The following CTNNA2 variants were observed in gnomAD, a reference collection of about 807,000 sequenced individuals.
The protein encoded by CTNNA2 is catenin alpha 2.
Under a neutral mutation model 101.0 loss-of-function variants are expected in CTNNA2, and 42 were observed. The ratio of observed to expected loss-of-function variants is 0.42; its 90% CI spans 0.32 to 0.54. CTNNA2 has a LOEUF of 0.54. CTNNA2 is among the 20% of genes least tolerant of loss of function. CTNNA2 has a pLI of 0.14. For missense variants in CTNNA2, 871 were observed against 1,223.1 expected, an observed-to-expected ratio of 0.71 and a Z score of 4.29; for synonymous variants, 450 against 456.4, an observed-to-expected ratio of 0.99 and a Z score of 0.18.
At chr2:80,232,368 T>TGTTAACACTAG (rs1709297496) in intron 7 of CTNNA2, among the ~76,000 whole-genome samples, 1 of 59,846 alleles carries the variant, frequency 1.7e-5, no homozygotes, top group African/African-American at 3.7e-5. Flanking sequence ...TTTTTTTTTT[T>TGTTAACACTAG]TTTTTTTTTT....
chr2:79,644,991 T>G (rs941928686), intron 1 of CTNNA2, among the ~76,000 whole-genome samples: 9 of 148,106 alleles, frequency 6.1e-5, no homozygotes, highest in Admixed American at 2.0e-4. Flanking sequence ...TTGTTTTTTG[T>G]TTTTTTTTTG....
intron 4 of CTNNA2, among the ~76,000 whole-genome samples, chr2:79,481,934 C>T (rs1346002150): frequency 6.6e-6 from 1 of 151,974 alleles, no homozygotes; most frequent in Non-Finnish European, 1.5e-5. Context: ...TGGAAGAGGC[C>T]ACATACATGT....
At chr2:79,932,411 C>A (rs770291814) in intron 7 of CTNNA2, among the ~76,000 whole-genome samples, 3 of 151,800 alleles carry the variant, frequency 2.0e-5, no homozygotes, top group African/African-American at 7.3e-5. Context: ...TAGTTTAAAA[C>A]CTTTAAGGTT....
At chr2:79,746,089 T>C (rs1441562217) in intron 3 of CTNNA2, among the ~76,000 whole-genome samples, 1 of 152,220 alleles carries the variant, frequency 6.6e-6, no homozygotes, top group Non-Finnish European at 1.5e-5. Flanking sequence ...TTTTGTGAAT[T>C]GTATCATCAT....
chr2:80,420,154 G>A (rs1333843438), intron 9 of CTNNA2, among the ~76,000 whole-genome samples: 1 of 150,498 alleles, frequency 6.6e-6, no homozygotes, highest in Admixed American at 6.6e-5. Flanking sequence ...TATTTTATGT[G>A]TTAGAGGAAT....
intron 4 of CTNNA2, among the ~76,000 whole-genome samples, chr2:79,452,725 C>T (rs559480320): frequency 1.3e-5 from 2 of 152,094 alleles, no homozygotes; most frequent in Admixed American, 6.6e-5. Context: ...AGCTTTCAAA[C>T]ATCTGAAGGG....
At chr2:79,200,126 G>A (rs143977958) in intron 2 of CTNNA2, among the ~76,000 whole-genome samples, 119 of 152,260 alleles carry the variant, frequency 7.8e-4, no homozygotes, top group African/African-American at 1.6e-3. Flanking sequence ...TATCCTGCCT[G>A]TAATCCCAGC....
chr2:79,205,637 A>C (rs1470079735), intron 2 of CTNNA2, among the ~76,000 whole-genome samples: 1 of 152,214 alleles, frequency 6.6e-6, no homozygotes, highest in South Asian at 2.1e-4. Flanking sequence ...TGAACTGATG[A>C]TAAAACCCAG....
intron 2 of CTNNA2, among the ~76,000 whole-genome samples, chr2:79,663,509 T>A (rs563872309): frequency 6.6e-6 from 1 of 152,300 alleles, no homozygotes; most frequent in Admixed American, 6.5e-5. Context: ...GGCCTCAGGA[T>A]TTTTGTGCAT....
intron 3 of CTNNA2, among the ~76,000 whole-genome samples, chr2:79,750,964 A>G (rs1671991511): frequency 6.6e-6 from 1 of 152,166 alleles, no homozygotes; most frequent in African/African-American, 2.4e-5. Flanking sequence ...CCTATGCTAA[A>G]TGATGTGTTA....
At chr2:79,837,666 A>G (rs779322082) in intron 3 of CTNNA2, among the ~76,000 whole-genome samples, 1 of 151,846 alleles carries the variant, frequency 6.6e-6, no homozygotes, top group Non-Finnish European at 1.5e-5. Flanking sequence ...CTCTTCTCCT[A>G]TACCAATTGT....
chr2:80,099,376 A>G (rs1410433291), intron 7 of CTNNA2, among the ~76,000 whole-genome samples: 1 of 152,140 alleles, frequency 6.6e-6, no homozygotes, highest in Non-Finnish European at 1.5e-5. Context: ...GTATCTGCTT[A>G]GTTACAACCC....
At chr2:80,511,324 G>C (rs1358817823) in intron 9 of CTNNA2, among the ~76,000 whole-genome samples, 1 of 152,102 alleles carries the variant, frequency 6.6e-6, no homozygotes, top group African/African-American at 2.4e-5. Flanking sequence ...TCAGTGTTAC[G>C]GTTTGAAGCC....
intron 1 of CTNNA2, chr2:79,524,916 T>G (rs1672319904): frequency 6.6e-6 from 1 of 151,858 alleles, no homozygotes; most frequent in Non-Finnish European, 1.5e-5. Flanking sequence ...GGTGCTTTTT[T>G]TTTTTGTATG....
At chr2:79,415,110 G>T (rs1678463503) in intron 4 of CTNNA2, among the ~76,000 whole-genome samples, 1 of 152,106 alleles carries the variant, frequency 6.6e-6, no homozygotes, top group African/African-American at 2.4e-5. Flanking sequence ...GTTGGAAATG[G>T]GGCCTAATGG....
chr2:79,717,108 A>G lies in CTNNA2; in HGVS notation c.103-27279A>G, dbSNP rs567478228. 1.8e-4 allele frequency among the ~76,000 whole-genome samples: 27 copies of G among 152,356 alleles called. No individual in the cohort carries two copies. The South Asian group carries it at 2.7e-3, about 15-fold the overall frequency. ...AAATGAAAGCCATTTCTATTTGTGTATGAGCCCTGGAGAAGGAAAGAGAAT... is the reference window on the plus strand; with the variant it reads ...AAATGAAAGCCATTTCTATTTGTGTGTGAGCCCTGGAGAAGGAAAGAGAAT... On this transcript the variant is annotated intron_variant, in intron 2 of 18. Transcript: ENST00000402739.
intron 2 of CTNNA2, among the ~76,000 whole-genome samples, chr2:79,719,952 C>T (rs1407782488): frequency 1.3e-5 from 2 of 152,080 alleles, no homozygotes; most frequent in Admixed American, 1.3e-4. Context: ...GGGACTTAGC[C>T]AAAAATTCTT....
rs767650988 is a variant in CTNNA2, at chr2:79,716,178, C to T, written c.103-28209C>T. Reference sequence around the variant, plus strand: ...TGGGAGAGGGCAGGATGGGAACACTCAGATGACAGCAAAAGGAAGACTTTT... The same window carrying T: ...TGGGAGAGGGCAGGATGGGAACACTTAGATGACAGCAAAAGGAAGACTTTT... On this transcript the variant is annotated intron_variant, in intron 2 of 18. Coordinates refer to ENST00000402739, the MANE Select transcript of CTNNA2 (RefSeq NM_001282597.3). Among the ~76,000 whole-genome samples the T allele has an allele frequency of 2.6e-5, 4 of 152,256 alleles. No homozygotes were observed. The East Asian group carries it at 7.7e-4, about 29-fold the overall frequency.
At chr2:79,200,314 G>T (rs1021920456) in intron 2 of CTNNA2, among the ~76,000 whole-genome samples, 7 of 151,704 alleles carry the variant, frequency 4.6e-5, no homozygotes, top group African/African-American at 1.7e-4. Flanking sequence ...AACCTGGAAG[G>T]AAGAGGTTGC....
Sources: gnomAD v4.1 joint callset for allele counts (sites outside exome capture counted in the v4.1 genomes callset) on GRCh38, gnomAD v4.1.1 for gene constraint, MANE v1.5 for transcripts, NCBI Gene and HGNC (gene_info 2026-07-23, HGNC 2026-07-21) for gene names.